Variants in PTPN4 observed in about 807,000 individuals in gnomAD.
PTPN4 encodes protein tyrosine phosphatase non-receptor type 4.
A neutral mutation model predicts 135.5 loss-of-function variants in PTPN4; 49 were observed. That is an observed-to-expected ratio of 0.36 (90% CI 0.29 to 0.46). The LOEUF is 0.46. PTPN4 is among the 20% of genes least tolerant of loss of function. The pLI, the probability that PTPN4 is intolerant of heterozygous loss-of-function variation, is 1.00. For synonymous variants in PTPN4, 333 were observed against 369.9 expected, an observed-to-expected ratio of 0.90 and a Z score of 1.14; for missense variants, 860 against 1,101.0, an observed-to-expected ratio of 0.78 and a Z score of 3.10.
rs1333426115 is a variant in PTPN4, at chr2:119,804,585, C to A, written c.-17-5252C>A. Among the ~76,000 whole-genome samples the A allele has an allele frequency of 4.6e-5, 7 of 152,166 alleles. No homozygotes were observed. The East Asian group carries it at 1.3e-3, about 29-fold the overall frequency. On this transcript the variant is annotated intron_variant, in intron 1 of 26. Transcript: ENST00000263708. ...CAGAATGATGATTTCCAGTTTCATC[C>A]ATGTCCCTGCAAAGGACGTGAACTC...
intron 1 of PTPN4, among the ~76,000 whole-genome samples, chr2:119,789,470 A>G (rs1203487086): frequency 6.6e-6 from 1 of 152,086 alleles, no homozygotes; most frequent in Admixed American, 6.5e-5. Flanking sequence ...TGCCCGTGCT[A>G]TTGGTGTCAT....
chr2:119,855,453 T>C (rs896807592), intron 2 of PTPN4, among the ~76,000 whole-genome samples: 1 of 152,214 alleles, frequency 6.6e-6, no homozygotes, highest in Non-Finnish European at 1.5e-5. Flanking sequence ...TTCTAAGTTG[T>C]GGCTTGTGAG....
At chr2:119,832,371 G>A (rs1335842721) in intron 2 of PTPN4, among the ~76,000 whole-genome samples, 1 of 152,010 alleles carries the variant, frequency 6.6e-6, no homozygotes, top group Non-Finnish European at 1.5e-5. Context: ...GTCAAAAAGA[G>A]GAGTCATTTT....
At chr2:119,876,064 A>C (rs72969192) in intron 3 of PTPN4, among the ~76,000 whole-genome samples, 3,848 of 152,234 alleles carry the variant, frequency 0.025, 162 homozygotes, top group African/African-American at 0.087. Context: ...GGGAAGCTTG[A>C]AATTGAGGGC....
chr2:119,981,269 A>G lies in PTPN4; in HGVS notation c.*4199A>G, dbSNP rs1157078983. On this transcript the variant is annotated 3_prime_UTR_variant, in exon 27 of 27. Transcript: ENST00000263708. ...TAATAGGACATAGATAAATTATGCA[A>G]CAGCCTGCTTTGATGAAAGCTGGTG... 1.3e-5 allele frequency: 2 copies of G among 152,120 alleles called. No homozygotes were observed. The highest frequency in any genetic ancestry group is 3.8e-4 in the East Asian group (2 of 5,200). The allele number at this position is 152,120 out of a possible 1,614,324, so 9.4% of individuals were successfully genotyped here.
At chr2:119,910,849 A>C (rs1678561127) in intron 10 of PTPN4, among the ~76,000 whole-genome samples, 1 of 152,076 alleles carries the variant, frequency 6.6e-6, no homozygotes, top group Non-Finnish European at 1.5e-5. Context: ...CTCTTTCCCC[A>C]ATAAATTACC....
chr2:119,788,955 A>G (rs1391158939), intron 1 of PTPN4, among the ~76,000 whole-genome samples: 1 of 152,228 alleles, frequency 6.6e-6, no homozygotes, highest in Non-Finnish European at 1.5e-5. Flanking sequence ...TTGCTGAATC[A>G]TAGGATAATT....
intron 13 of PTPN4, among the ~76,000 whole-genome samples, chr2:119,927,358 C>CG (rs1553469255): frequency 3.3e-5 from 5 of 151,878 alleles, no homozygotes; most frequent in African/African-American, 9.7e-5. Context: ...TGATCCCCCC[C>CG]ACCTTGGCCT....
intron 11 of PTPN4, among the ~76,000 whole-genome samples, chr2:119,918,092 G>T (rs530114260): frequency 6.6e-6 from 1 of 152,230 alleles, no homozygotes; most frequent in African/African-American, 2.4e-5. Context: ...GTGGCATATG[G>T]TAAAACATAT....
At position 119,976,983 on chromosome 2, in the gene PTPN4, G is replaced by T; in HGVS notation, c.2695-1G>T. Reference sequence around the variant, plus strand: ...TCTGTTTTTTATATTTTATTTTTCAGAGTCAATACAGATTTGTATGTGAAG... The same window carrying T: ...TCTGTTTTTTATATTTTATTTTTCATAGTCAATACAGATTTGTATGTGAAG... On this transcript the variant is annotated splice_acceptor_variant, in intron 26 of 26. Transcript: ENST00000263708. LOFTEE classifies it high-confidence loss of function. 6.2e-7 allele frequency: 1 copy of T among 1,602,384 alleles called. No individual in the cohort carries two copies. Among genetic ancestry groups the T allele is most frequent in the South Asian group, 1.1e-5 (1 of 88,258 alleles).
intron 2 of PTPN4, among the ~76,000 whole-genome samples, chr2:119,857,723 A>G (rs1384227252): frequency 1.3e-5 from 2 of 152,150 alleles, no homozygotes; most frequent in East Asian, 3.8e-4. Flanking sequence ...TGAGAATATT[A>G]TCATTTACTC....
chr2:119,874,333 C>T (rs1677954810), intron 3 of PTPN4, among the ~76,000 whole-genome samples: 1 of 151,968 alleles, frequency 6.6e-6, no homozygotes, highest in Non-Finnish European at 1.5e-5. Context: ...AGGCATGTAC[C>T]CAAGAGAATT....
intron 1 of PTPN4, among the ~76,000 whole-genome samples, chr2:119,764,662 A>T (rs1019956149): frequency 1.9e-4 from 29 of 149,310 alleles, no homozygotes; most frequent in African/African-American, 7.2e-4. Context: ...TTAAGTTTTT[A>T]TGTTACCTAC....
intron 1 of PTPN4, among the ~76,000 whole-genome samples, chr2:119,781,535 G>T (rs192677635): frequency 2.0e-5 from 3 of 152,200 alleles, no homozygotes; most frequent in Non-Finnish European, 4.4e-5. Context: ...TATAAAGTTC[G>T]GAGTTTTTTA....
intron 2 of PTPN4, among the ~76,000 whole-genome samples, chr2:119,841,048 C>CT (rs1379888149): frequency 6.6e-6 from 1 of 151,632 alleles, no homozygotes; most frequent in Non-Finnish European, 1.5e-5. Context: ...AGGCTTTTTT[C>CT]TTTTTTTCTT....
At chr2:119,795,156 G>A (rs1467928055) in intron 1 of PTPN4, among the ~76,000 whole-genome samples, 2 of 152,154 alleles carry the variant, frequency 1.3e-5, no homozygotes, top group Admixed American at 6.5e-5. Flanking sequence ...TGAGTCTGGG[G>A]ATTTATGGGC....
chr2:119,825,572 T>C (rs953124445), intron 2 of PTPN4, among the ~76,000 whole-genome samples: 2 of 148,504 alleles, frequency 1.3e-5, no homozygotes, highest in Non-Finnish European at 3.0e-5. Flanking sequence ...CTCTGCTCAC[T>C]ACAACCTTCA....
At position 119,953,003 on chromosome 2, in the gene PTPN4, A is replaced by C. The variant is rs998708037; in HGVS notation, c.1813+874A>C. 1.5e-4 allele frequency among the ~76,000 whole-genome samples: 23 copies of C among 152,094 alleles called. 1 individual carries two copies. Among genetic ancestry groups the C allele is most frequent in the Admixed American group, 1.3e-3 (20 of 15,258 alleles). On this transcript the variant is annotated intron_variant, in intron 19 of 26. Coordinates refer to ENST00000263708, the MANE Select transcript of PTPN4 (RefSeq NM_002830.4). Reference sequence around the variant, plus strand: ...TTATAAGTTTAACCCCCTTTCCTTCAGTTTTTTGACAATAGCTAATTTTAC... The same window carrying C: ...TTATAAGTTTAACCCCCTTTCCTTCCGTTTTTTGACAATAGCTAATTTTAC...
At chr2:119,865,529 A>C (rs1376421811) in intron 3 of PTPN4, among the ~76,000 whole-genome samples, 2 of 152,030 alleles carry the variant, frequency 1.3e-5, no homozygotes, top group African/African-American at 4.8e-5. Context: ...CAAAGCCTGT[A>C]CTCTCTACCA....
Sources: gnomAD v4.1 joint callset for allele counts (sites outside exome capture counted in the v4.1 genomes callset) on GRCh38, gnomAD v4.1.1 for gene constraint, MANE v1.5 for transcripts, NCBI Gene and HGNC (gene_info 2026-07-23, HGNC 2026-07-21) for gene names.